SGO2: variants seen among roughly 807,000 people sequenced by gnomAD.
The protein encoded by SGO2 is shugoshin 2.
Under a neutral mutation model 99.5 loss-of-function variants are expected in SGO2, and 68 were observed. The observed-to-expected ratio is 0.68, with a 90% CI of 0.56 to 0.84. The LOEUF is 0.84. SGO2 is among the 40% of genes least tolerant of loss of function. SGO2 has a pLI of 0.00. For missense variants in SGO2, 1,350 were observed against 1,436.7 expected (o/e 0.94, Z 0.97); for synonymous variants, 457 against 487.1 (o/e 0.94, Z 0.81).
chr2:200,539,323 A>G (rs1185745257), intron 4 of SGO2, among the ~76,000 whole-genome samples: 2 of 152,018 alleles, frequency 1.3e-5, no homozygotes, highest in Admixed American at 6.6e-5. Context: ...GTAGTCTGTC[A>G]TTATTCTTTT....
chr2:200,554,724 C>T (rs2032632865), intron 5 of SGO2, among the ~76,000 whole-genome samples: 1 of 152,108 alleles, frequency 6.6e-6, no homozygotes, highest in Admixed American at 6.5e-5. Context: ...GAAAGGCAAA[C>T]ACTCACATTT....
chr2:200,576,002 G>T (rs2033643215), intron 8 of SGO2: 1 of 306,006 alleles, frequency 3.3e-6, no homozygotes, highest in Non-Finnish European at 6.3e-6. Flanking sequence ...GTATTTTAGA[G>T]TCTCAAATAT....
intron 5 of SGO2, among the ~76,000 whole-genome samples, chr2:200,552,530 C>T (rs2032536254): frequency 6.6e-6 from 1 of 152,140 alleles, no homozygotes; most frequent in Non-Finnish European, 1.5e-5. Flanking sequence ...GTGGATTATT[C>T]ATGAGTTTTC....
chr2:200,528,725 G>A (rs1181655891), intron 1 of SGO2, among the ~76,000 whole-genome samples: 1 of 152,166 alleles, frequency 6.6e-6, no homozygotes, highest in Non-Finnish European at 1.5e-5. Context: ...AGTCCAGGGA[G>A]TATATGTAAA....
At chr2:200,561,260 G>A (rs1386770032) in intron 5 of SGO2, among the ~76,000 whole-genome samples, 1 of 152,092 alleles carries the variant, frequency 6.6e-6, no homozygotes, top group African/African-American at 2.4e-5. Context: ...TGTTCTCATT[G>A]TTCAATTCCC....
chr2:200,565,932 C>T (rs957665779), intron 5 of SGO2, among the ~76,000 whole-genome samples: 1 of 152,198 alleles, frequency 6.6e-6, no homozygotes, highest in Non-Finnish European at 1.5e-5. Flanking sequence ...TTAAGGTCTT[C>T]TCTATGCTGT....
chr2:200,554,158 GAAAC>G (rs1359326788), intron 5 of SGO2, among the ~76,000 whole-genome samples: 2 of 152,162 alleles, frequency 1.3e-5, no homozygotes, highest in Non-Finnish European at 2.9e-5. Flanking sequence ...CAGGTAGAGA[GAAAC>G]AAACATGCTC....
chr2:200,579,306 A>C (rs1442015174), intron 8 of SGO2, among the ~76,000 whole-genome samples: 1 of 152,216 alleles, frequency 6.6e-6, no homozygotes, highest in African/African-American at 2.4e-5. Context: ...ATATCATCTG[A>C]AAATAGAGAT....
intron 5 of SGO2, among the ~76,000 whole-genome samples, chr2:200,548,360 C>T (rs1321995692): frequency 6.6e-6 from 1 of 151,912 alleles, no homozygotes; most frequent in Non-Finnish European, 1.5e-5. Context: ...ACAACATGCT[C>T]CTAAGCAACC....
chr2:200,563,746 G>C (rs147268139), intron 5 of SGO2, among the ~76,000 whole-genome samples: 2 of 152,100 alleles, frequency 1.3e-5, no homozygotes, highest in Non-Finnish European at 2.9e-5. Flanking sequence ...ACCTGTTATC[G>C]GTCTATTCAG....
intron 5 of SGO2, among the ~76,000 whole-genome samples, chr2:200,569,379 A>G (rs2033305878): frequency 6.6e-6 from 1 of 152,078 alleles, no homozygotes; most frequent in African/African-American, 2.4e-5. Context: ...AACTTTTTTC[A>G]TTTGCTTAAT....
At position 200,570,900 on chromosome 2, in the gene SGO2, A is replaced by T; in HGVS notation, c.704-150A>T. 1 of 601,298 alleles carries T rather than the reference A, an allele frequency of 1.7e-6. No homozygotes were observed. Among genetic ancestry groups the T allele is most frequent in the Non-Finnish European group, 2.7e-6 (1 of 374,532 alleles). 37.2% of individuals were successfully genotyped at this position (601,298 alleles called of 1,614,324 possible). A position where few individuals can be genotyped will look rare whatever the true frequency, so the allele number is the denominator to read the frequency against. ...ATCATTTCTAACTTATTTTCTTATA[A>T]GCATAGATTCTTAGTAATATTAGGA... On this transcript the variant is annotated intron_variant, in intron 6 of 8. Coordinates refer to ENST00000357799, the MANE Select transcript of SGO2 (RefSeq NM_152524.6). This position sits in a 1 kb window ranked among gnomAD's most constrained non-coding sequence, Gnocchi z 4.4.
intron 5 of SGO2, among the ~76,000 whole-genome samples, chr2:200,563,745 C>T (rs1321918764): frequency 1.2e-4 from 18 of 152,160 alleles, no homozygotes; most frequent in Non-Finnish European, 1.8e-4. Flanking sequence ...AACCTGTTAT[C>T]GGTCTATTCA....
intron 5 of SGO2, among the ~76,000 whole-genome samples, chr2:200,565,777 T>C (rs539973859): frequency 6.6e-6 from 1 of 152,334 alleles, no homozygotes; most frequent in Non-Finnish European, 1.5e-5. Flanking sequence ...ACTCTTTTTT[T>C]CTCTAAACTT....
intron 5 of SGO2, among the ~76,000 whole-genome samples, chr2:200,544,113 G>A (rs2032094093): frequency 6.6e-6 from 1 of 152,130 alleles, no homozygotes; most frequent in Non-Finnish European, 1.5e-5. Context: ...TATACAGTAT[G>A]TATGTTTGTC....
At chr2:200,562,793 C>T (rs1005435607) in intron 5 of SGO2, among the ~76,000 whole-genome samples, 9 of 152,010 alleles carry the variant, frequency 5.9e-5, no homozygotes, top group Non-Finnish European at 1.2e-4. Flanking sequence ...AGTTGGATTC[C>T]TAGGTATTTT....
chr2:200,532,735 G>A (rs1293813954), intron 1 of SGO2, among the ~76,000 whole-genome samples: 7 of 151,926 alleles, frequency 4.6e-5, no homozygotes, highest in Non-Finnish European at 1.0e-4. Flanking sequence ...TCTTTCCCCT[G>A]CACCTGGTAC....
intron 7 of SGO2, 93 bp from the exon 8 acceptor site, chr2:200,575,218 C>G (rs1574885179): frequency 1.6e-6 from 1 of 614,124 alleles, no homozygotes; most frequent in Non-Finnish European, 2.5e-6. Context: ...TTAAAATTTG[C>G]TGTGGTGATT....
In SGO2 at chr2:200,569,877, G is replaced by C; in HGVS notation, c.688G>C (p.Asp230His). The change falls in exon 6 of 9, where the codon GAT (aspartate) becomes CAT (histidine). Residue 230 changes from aspartate (D) to histidine (H), a missense_variant. By Grantham distance (81) the Asp-to-His change is moderately conservative (BLOSUM62 -1). Coordinates refer to ENST00000357799, the MANE Select transcript of SGO2 (RefSeq NM_152524.6). ...TTCAGAACATATTTCTTCTATAGTTGATGTACCTCCCAGAGGTGAGATTGT... is the reference window on the plus strand; with the variant it reads ...TTCAGAACATATTTCTTCTATAGTTCATGTACCTCCCAGAGGTGAGATTGT... ...DDSEHISSIVDVPPRESHSHS... is the reference protein window; with the variant it reads ...DDSEHISSIVHVPPRESHSHS... The C allele has an allele frequency of 6.3e-7, 1 of 1,583,156 alleles. No homozygotes were observed. The highest frequency in any genetic ancestry group is 8.7e-7 in the Non-Finnish European group (1 of 1,153,050).
Sources: allele counts gnomAD v4.1 joint callset (sites outside exome capture counted in the v4.1 genomes callset), GRCh38; gene constraint gnomAD v4.1.1; non-coding constraint Gnocchi (gnomAD v3.1); transcripts MANE v1.5; gene names NCBI Gene and HGNC (gene_info 2026-07-23, HGNC 2026-07-21).